MYL4: variants seen among roughly 807,000 people sequenced by gnomAD.
MYL4 encodes myosin light chain 4, also known as atrial myosin light chain 1.
MYL4 carries 16 observed loss-of-function variants against 21.6 expected under a neutral mutation model. The ratio of observed to expected loss-of-function variants is 0.74; its 90% CI spans 0.50 to 1.12. The LOEUF (loss-of-function observed/expected upper bound fraction) is 1.12, where lower values mean the gene tolerates loss of function less well. Among genes scored for constraint, MYL4 ranks in the 50% most tolerant of loss-of-function variants. MYL4 has a pLI of 0.00. For missense variants in MYL4, 249 were observed against 252.9 expected (o/e 0.98, Z 0.11); for synonymous variants, 82 against 95.7 (o/e 0.86, Z 0.83).
chr17:47,209,083 T>G, upstream of MYL4: 2 of 412,340 alleles, frequency 4.9e-6, no homozygotes, highest in East Asian at 5.3e-5. Context: ...CTCCGGCATA[T>G]TTGAGAAGGT....
chr17:47,199,992 T>C (rs11079762), upstream of MYL4, among the ~76,000 whole-genome samples: 61,577 of 150,586 alleles, frequency 0.41, 13,010 homozygotes, highest in East Asian at 0.67. Flanking sequence ...CCACCTGCCT[T>C]GGCCTCCCAA....
At chr17:47,225,590 A>G (rs1336326245), downstream of MYL4, among the ~76,000 whole-genome samples, 1 of 152,186 alleles carries the variant, frequency 6.6e-6, no homozygotes, top group East Asian at 1.9e-4. Context: ...AGATCCTTAA[A>G]TGGGAAGTGA....
chr17:47,224,301 A>C (rs963713494), downstream of MYL4, among the ~76,000 whole-genome samples: 11 of 152,208 alleles, frequency 7.2e-5, no homozygotes, highest in African/African-American at 2.7e-4. Context: ...CGGCAGGCAA[A>C]GAGAGCTTGT....
At chr17:47,221,887 T>C (rs779909027) in intron 4 of MYL4, 32 bp downstream of exon 4, 5 of 1,592,158 alleles carry the variant, frequency 3.1e-6, no homozygotes, top group Non-Finnish European at 3.4e-6. Flanking sequence ...GAAGACCAAG[T>C]GGGAGGAATG....
Position 47,209,390 on chromosome 17 carries a change from T to A in MYL4, c.-33T>A, listed in dbSNP as rs1174666829. On this transcript the variant is annotated 5_prime_UTR_variant, in exon 1 of 7. Transcript: ENST00000393450. ...CCACGTCTCTCGGTTTCTTCTTAGATCACTCCTCTGCCAAAGATCCCAACA... is the reference window on the plus strand; with the variant it reads ...CCACGTCTCTCGGTTTCTTCTTAGAACACTCCTCTGCCAAAGATCCCAACA... The A allele has an allele frequency of 2.5e-6, 4 of 1,614,070 alleles. No individual in the cohort carries two copies. In the South Asian group the frequency reaches 3.3e-5, roughly 13 times the overall value.
chr17:47,204,015 G>A lies in MYL4; in HGVS notation c.-35+3429G>A, dbSNP rs1017708371. ...AGTTCACATGCCCTGGAAATTTAGA[G>A]GGCTAAGGAGGGGGAACATTTGTCT... On this transcript the variant is annotated intron_variant and NMD_transcript_variant, in intron 1 of 6. Coordinates refer to the MYL4 transcript ENST00000571981. 3.9e-5 allele frequency among the ~76,000 whole-genome samples: 6 copies of A among 152,218 alleles called. No individual in the cohort carries two copies. The East Asian group carries it at 1.2e-3, about 29-fold the overall frequency.
rs1483010880 is a variant in MYL4 at position 47,219,845 on chromosome 17, G to A, written c.164-59G>A. 5.6e-6 allele frequency: 9 copies of A among 1,600,204 alleles called. No homozygotes were observed. The Middle Eastern group carries it at 5.0e-4, about 88-fold the overall frequency. ...ATTCAGCTTGGGTGGAGGCTGATTG[G>A]CCACCAGCCACCACCTTCACTGGGG... On this transcript the variant is annotated intron_variant, in intron 2 of 6. Transcript: ENST00000393450.
chr17:47,191,467 G>T, the MYL4 span, among the ~76,000 whole-genome samples: 8 of 152,250 alleles, frequency 5.3e-5, no homozygotes, highest in South Asian at 2.1e-4. Flanking sequence ...GACTACAGTT[G>T]TATTTACATT....
chr17:47,219,972 T>A lies in MYL4; in HGVS notation c.232T>A (p.Cys78Ser). The A allele has an allele frequency of 6.2e-7, 1 of 1,614,160 alleles. No individual in the cohort carries two copies. Among genetic ancestry groups the A allele is most frequent in the Non-Finnish European group, 8.5e-7 (1 of 1,180,020 alleles). Residue 78 changes from cysteine (C) to serine (S), a missense_variant, in exon 3 of 7, where the codon TGC (cysteine) becomes AGC (serine). By Grantham distance (112) the Cys-to-Ser change is moderately radical. Coordinates refer to ENST00000393450, the MANE Select transcript of MYL4 (RefSeq NM_002476.2). The part of the protein sequence containing the change: ...TGEMKITYGQ[C>S]GDVLRALGQN... ...AGAGATGAAGATCACCTACGGCCAGTGCGGGGATGTACTGCGGGCCCTGGG... is the reference window on the plus strand; with the variant it reads ...AGAGATGAAGATCACCTACGGCCAGAGCGGGGATGTACTGCGGGCCCTGGG...
intron 1 of MYL4, among the ~76,000 whole-genome samples, chr17:47,203,257 A>G (rs1003685653): frequency 6.6e-6 from 1 of 152,272 alleles, no homozygotes; most frequent in African/African-American, 2.4e-5. Flanking sequence ...TCTATCTTTC[A>G]TATCCCTTTT....
chr17:47,218,675 C>A (rs564365997), intron 2 of MYL4, among the ~76,000 whole-genome samples: 1 of 152,168 alleles, frequency 6.6e-6, no homozygotes, highest in South Asian at 2.1e-4. Context: ...GTAGTCCCAG[C>A]TACTCGGAGG....
intron 2 of MYL4, among the ~76,000 whole-genome samples, chr17:47,215,098 G>C (rs1006548063): frequency 3.9e-5 from 6 of 152,144 alleles, no homozygotes; most frequent in Admixed American, 3.3e-4. Context: ...AGTGACACCA[G>C]TTTACCCACA....
At chr17:47,217,836 C>T (rs962144230) in intron 2 of MYL4, among the ~76,000 whole-genome samples, 6 of 152,078 alleles carry the variant, frequency 3.9e-5, no homozygotes, top group African/African-American at 1.4e-4. Context: ...GAGTTCGAGA[C>T]CAGCCTGACC....
At chr17:47,201,341 G>C (rs73316007) in intron 1 of MYL4, among the ~76,000 whole-genome samples, 2,456 of 151,832 alleles carry the variant, frequency 0.016, 50 homozygotes, top group African/African-American at 0.056. Flanking sequence ...CTCCCTCCTT[G>C]GTGGGAAGGA....
At chr17:47,194,052 T>G in the MYL4 span, among the ~76,000 whole-genome samples, 1 of 152,186 alleles carries the variant, frequency 6.6e-6, no homozygotes, top group African/African-American at 2.4e-5. Flanking sequence ...ACCCCGCCCC[T>G]ATCCATTCTT....
upstream of MYL4, among the ~76,000 whole-genome samples, chr17:47,197,580 T>C (rs1486100437): frequency 6.6e-6 from 1 of 152,208 alleles, no homozygotes; most frequent in African/African-American, 2.4e-5. Flanking sequence ...TTTTTGACTT[T>C]ATGATGGTGT....
chr17:47,197,481 G>A (rs1271127949), upstream of MYL4, among the ~76,000 whole-genome samples: 4 of 152,116 alleles, frequency 2.6e-5, no homozygotes, highest in Non-Finnish European at 4.4e-5. Flanking sequence ...GATGAGCTCC[G>A]AGATGTGCTA....
upstream of MYL4, among the ~76,000 whole-genome samples, chr17:47,198,849 G>T (rs1379163087): frequency 6.6e-6 from 1 of 152,082 alleles, no homozygotes; most frequent in African/African-American, 2.4e-5. Context: ...AGCCAGGCAT[G>T]GTTGTGTATG....
chr17:47,213,848 T>C, intron 2 of MYL4, 22 bp downstream of exon 2: 1 of 1,612,932 alleles, frequency 6.2e-7, no homozygotes. Context: ...CAACCCCACC[T>C]CTCCGTCTCT....
Sources: gnomAD v4.1 joint callset for allele counts (sites outside exome capture counted in the v4.1 genomes callset) on GRCh38, gnomAD v4.1.1 for gene constraint, MANE v1.5 for transcripts, NCBI Gene and HGNC (gene_info 2026-07-23, HGNC 2026-07-21) for gene names.